Variants in SVIL observed in about 807,000 individuals in gnomAD.
SVIL encodes the protein archvillin.
In SVIL, 101 loss-of-function variants were observed where a neutral mutation model predicts 240.4. That is an observed-to-expected ratio of 0.42 (90% CI 0.36 to 0.50). The LOEUF (loss-of-function observed/expected upper bound fraction) is 0.50. Among genes scored for constraint, SVIL ranks in the 20% least tolerant of loss-of-function variants. The pLI is 0.01. For synonymous variants in SVIL, 999 were observed against 1,100.0 expected (o/e 0.91, Z 1.82); for missense variants, 2,512 against 2,818.7 (o/e 0.89, Z 2.46).
At chr10:29,483,595 A>G (rs1947111858) in intron 27 of SVIL, 1 of 152,218 alleles carries the variant, frequency 6.6e-6, no homozygotes, top group African/African-American at 2.4e-5. Context: ...TTATGCCACT[A>G]TTAAATACAG....
At chr10:29,546,453 A>T (rs1193431008) in intron 6 of SVIL, among the ~76,000 whole-genome samples, 1 of 152,222 alleles carries the variant, frequency 6.6e-6, no homozygotes, top group African/African-American at 2.4e-5. Context: ...AATATCAACT[A>T]ATCAATTAAC....
chr10:29,540,522 G>A (rs960691298), intron 6 of SVIL, among the ~76,000 whole-genome samples: 4 of 152,190 alleles, frequency 2.6e-5, no homozygotes. Context: ...ACGATCACAC[G>A]ACTGGTAACA....
At chr10:29,560,982 C>T (rs976405844) in intron 3 of SVIL, among the ~76,000 whole-genome samples, 1 of 151,720 alleles carries the variant, frequency 6.6e-6, no homozygotes, top group Non-Finnish European at 1.5e-5. Context: ...GGGACTTGCC[C>T]AGCTAATTTT....
At chr10:29,642,981 C>T (rs1478003968) in intron 3 of SVIL, among the ~76,000 whole-genome samples, 4 of 152,192 alleles carry the variant, frequency 2.6e-5, no homozygotes, top group Admixed American at 2.0e-4. Flanking sequence ...CCACTGCACC[C>T]GGCCGCTCTC....
At chr10:29,677,680 C>T (rs1204373093) in intron 2 of SVIL, among the ~76,000 whole-genome samples, 3 of 152,160 alleles carry the variant, frequency 2.0e-5, no homozygotes, top group Non-Finnish European at 4.4e-5. Context: ...CTCAGCCTCC[C>T]AAAGTGCTAG....
intron 1 of SVIL, among the ~76,000 whole-genome samples, chr10:29,687,920 C>T (rs532556470): frequency 6.6e-6 from 1 of 152,276 alleles, no homozygotes; most frequent in South Asian, 2.1e-4. Context: ...AAGTTACTCC[C>T]AGTTTCAGCA....
At chr10:29,695,183 C>G (rs1472201413) in intron 1 of SVIL, among the ~76,000 whole-genome samples, 3 of 152,120 alleles carry the variant, frequency 2.0e-5, no homozygotes, top group Admixed American at 1.3e-4. Flanking sequence ...GCAGCCACTC[C>G]AGAAAGTATG....
chr10:29,540,018 C>T (rs555240303), intron 6 of SVIL, among the ~76,000 whole-genome samples: 2 of 152,242 alleles, frequency 1.3e-5, no homozygotes, highest in South Asian at 2.1e-4. Context: ...CTAGTTCAAG[C>T]CACCACCGCC....
At chr10:29,502,971 T>A (rs1450638722) in intron 17 of SVIL, among the ~76,000 whole-genome samples, 1 of 152,162 alleles carries the variant, frequency 6.6e-6, no homozygotes, top group Non-Finnish European at 1.5e-5. Flanking sequence ...GATTTAAGGG[T>A]CAAACTCTTC....
intron 1 of SVIL, among the ~76,000 whole-genome samples, chr10:29,698,806 G>C (rs1370598970): frequency 6.6e-6 from 1 of 151,754 alleles, no homozygotes; most frequent in Non-Finnish European, 1.5e-5. Flanking sequence ...TTAGGAAGCA[G>C]ATGCATACAA....
intron 13 of SVIL, 65 bp from the exon 14 acceptor site, chr10:29,524,780 C>A: frequency 6.3e-7 from 1 of 1,589,966 alleles, no homozygotes; most frequent in Non-Finnish European, 8.6e-7. Context: ...TAAGTTTCTA[C>A]GTTAACTTTC....
chr10:29,480,013 C>T (rs1410786538), intron 29 of SVIL, among the ~76,000 whole-genome samples: 1 of 152,176 alleles, frequency 6.6e-6, no homozygotes, highest in Non-Finnish European at 1.5e-5. Context: ...TTAGACTCTG[C>T]ATTTACTACA....
chr10:29,585,073 T>TTTA (rs1956108649), intron 1 of SVIL, among the ~76,000 whole-genome samples: 1 of 143,178 alleles, frequency 7.0e-6, no homozygotes, highest in African/African-American at 2.5e-5. Flanking sequence ...AGCTAATATT[T>TTTA]TTATTCTTCT....
chr10:29,613,832 G>A lies in SVIL; in HGVS notation c.-201+20588C>T, dbSNP rs138965804. Among the ~76,000 whole-genome samples, 61 of 152,212 alleles carry A rather than the reference G, an allele frequency of 4.0e-4. 1 individual carries two copies. In the East Asian group the frequency reaches 0.011, roughly 28 times the overall value. On this transcript the variant is annotated intron_variant, in intron 1 of 37. Transcript: ENST00000355867. ...CCGGAAGAATATTCTCTTCTTTTACGTATTTTTTAAAGGATTGACCTAAGG... is the reference window on the plus strand; with the variant it reads ...CCGGAAGAATATTCTCTTCTTTTACATATTTTTTAAAGGATTGACCTAAGG...
At chr10:29,662,345 T>C (rs1466459919) in intron 2 of SVIL, among the ~76,000 whole-genome samples, 1 of 152,236 alleles carries the variant, frequency 6.6e-6, no homozygotes, top group African/African-American at 2.4e-5. Flanking sequence ...ATGCTGATTA[T>C]AAATAACAAT....
chr10:29,642,024 C>A (rs1289093813), intron 3 of SVIL, among the ~76,000 whole-genome samples: 1 of 152,174 alleles, frequency 6.6e-6, no homozygotes, highest in Non-Finnish European at 1.5e-5. Flanking sequence ...CATGAGACAC[C>A]AGCCACCCTG....
chr10:29,478,226 C>T (rs1946416641), intron 29 of SVIL, among the ~76,000 whole-genome samples: 1 of 152,208 alleles, frequency 6.6e-6, no homozygotes, highest in Non-Finnish European at 1.5e-5. Flanking sequence ...GCCACCTCTG[C>T]ACAAAAGCAA....
chr10:29,500,655 T>C (rs767139069), intron 17 of SVIL, among the ~76,000 whole-genome samples: 1 of 152,184 alleles, frequency 6.6e-6, no homozygotes, highest in Non-Finnish European at 1.5e-5. Context: ...CTACTCAACT[T>C]ATTCTAGCAG....
intron 2 of SVIL, among the ~76,000 whole-genome samples, chr10:29,667,973 T>C (rs567280567): frequency 3.3e-5 from 5 of 152,248 alleles, no homozygotes; most frequent in Admixed American, 3.3e-4. Flanking sequence ...AATAAAATTA[T>C]CTCATGGAAT....
Sources: gnomAD v4.1 joint callset for allele counts (sites outside exome capture counted in the v4.1 genomes callset) on GRCh38, gnomAD v4.1.1 for gene constraint, MANE v1.5 for transcripts, NCBI Gene and HGNC (gene_info 2026-07-23, HGNC 2026-07-21) for gene names.